GRIP1: variants seen among roughly 807,000 people sequenced by gnomAD.
GRIP1 encodes the protein glutamate receptor interacting protein 1.
A neutral mutation model predicts 129.9 loss-of-function variants in GRIP1; 45 were observed. The ratio of observed to expected loss-of-function variants is 0.35; its 90% CI spans 0.27 to 0.44. The LOEUF is 0.44. Among genes scored for constraint, GRIP1 ranks in the 20% least tolerant of loss-of-function variants. The pLI is 1.00. For missense variants in GRIP1, 1,196 were observed against 1,396.8 expected (o/e 0.86, Z 2.29); for synonymous variants, 530 against 520.8 (o/e 1.02, Z -0.24).
At chr12:66,877,050 A>AG (rs1490745489) in intron 1 of GRIP1, among the ~76,000 whole-genome samples, 1 of 152,048 alleles carries the variant, frequency 6.6e-6, no homozygotes, top group African/African-American at 2.4e-5. Flanking sequence ...TGTGTGTATG[A>AG]GTGAGCTTGC....
chr12:66,598,475 C>T (rs2064143389), intron 1 of GRIP1, among the ~76,000 whole-genome samples: 1 of 152,214 alleles, frequency 6.6e-6, no homozygotes, highest in Admixed American at 6.5e-5. Flanking sequence ...AGGTCTTCGA[C>T]TCTTCTCTTT....
intron 22 of GRIP1, among the ~76,000 whole-genome samples, chr12:66,373,178 C>T (rs749826887): frequency 1.3e-5 from 2 of 152,166 alleles, no homozygotes; most frequent in Non-Finnish European, 1.5e-5. Context: ...CAACCTCTGC[C>T]TTCTTTGTTC....
chr12:66,522,026 C>T (rs534093969), intron 5 of GRIP1, among the ~76,000 whole-genome samples: 8 of 152,222 alleles, frequency 5.3e-5, no homozygotes, highest in Non-Finnish European at 1.0e-4. Context: ...GCGGAGCCCA[C>T]CACAGCTCAA....
At chr12:67,055,580 A>T (rs1353164999) in intron 1 of GRIP1, among the ~76,000 whole-genome samples, 1 of 152,224 alleles carries the variant, frequency 6.6e-6, no homozygotes, top group African/African-American at 2.4e-5. Context: ...GAGGACTCCC[A>T]AAAGTTTTTG....
At chr12:66,829,994 A>C (rs945095869) in intron 1 of GRIP1, among the ~76,000 whole-genome samples, 7 of 152,220 alleles carry the variant, frequency 4.6e-5, no homozygotes, top group Non-Finnish European at 8.8e-5. Flanking sequence ...TCTATTTCCC[A>C]AGCCCATGAG....
chr12:66,436,165 G>T (rs1219779684), intron 13 of GRIP1, among the ~76,000 whole-genome samples: 2 of 151,964 alleles, frequency 1.3e-5, no homozygotes, highest in Admixed American at 1.3e-4. Flanking sequence ...AACACATTTG[G>T]GTAAACAAAG....
At chr12:66,941,977 A>T (rs1025107116) in intron 1 of GRIP1, among the ~76,000 whole-genome samples, 1 of 152,212 alleles carries the variant, frequency 6.6e-6, no homozygotes, top group African/African-American at 2.4e-5. Context: ...CACTACCCAT[A>T]GAGGAATCAA....
intron 1 of GRIP1, among the ~76,000 whole-genome samples, chr12:66,720,001 T>C (rs572065452): frequency 7.2e-5 from 11 of 152,302 alleles, no homozygotes; most frequent in Non-Finnish European, 1.6e-4. Flanking sequence ...TTTTGCCTAT[T>C]CTCACATACT....
chr12:66,536,386 C>G (rs944087446), intron 4 of GRIP1, among the ~76,000 whole-genome samples: 4 of 152,138 alleles, frequency 2.6e-5, no homozygotes, highest in Non-Finnish European at 5.9e-5. Flanking sequence ...ATACCCCACC[C>G]CCTTACATTT....
intron 1 of GRIP1, among the ~76,000 whole-genome samples, chr12:66,629,104 T>C (rs566547769): frequency 1.1e-4 from 17 of 152,230 alleles, no homozygotes; most frequent in Non-Finnish European, 2.4e-4. Flanking sequence ...CATGCAAAAT[T>C]TAATTCTCTG....
At chr12:66,367,709 G>A (rs1210354366) in intron 23 of GRIP1, among the ~76,000 whole-genome samples, 1 of 152,220 alleles carries the variant, frequency 6.6e-6, no homozygotes, top group East Asian at 1.9e-4. Flanking sequence ...TCACATATAT[G>A]AGTGGGGGTA....
chr12:66,522,590 CAG>C (rs1223557884), intron 5 of GRIP1, among the ~76,000 whole-genome samples: 5 of 152,172 alleles, frequency 3.3e-5, no homozygotes, highest in Non-Finnish European at 7.4e-5. Context: ...GGGGAAAAAA[CAG>C]AGCAGAAAAA....
chr12:66,696,416 T>G (rs779558784), intron 1 of GRIP1, among the ~76,000 whole-genome samples: 1 of 152,118 alleles, frequency 6.6e-6, no homozygotes, highest in Non-Finnish European at 1.5e-5. Flanking sequence ...TTATTCCTGA[T>G]AGTCATAAAG....
intron 1 of GRIP1, among the ~76,000 whole-genome samples, chr12:66,616,559 A>G (rs975332630): frequency 3.9e-5 from 6 of 152,246 alleles, no homozygotes; most frequent in Admixed American, 3.3e-4. Flanking sequence ...CACTCATGAC[A>G]GGCCTTATGT....
At chr12:66,592,116 G>A (rs181255842) in intron 2 of GRIP1, among the ~76,000 whole-genome samples, 3 of 152,198 alleles carry the variant, frequency 2.0e-5, no homozygotes, top group Admixed American at 6.5e-5. Context: ...GAAACATTTG[G>A]AACAGAGAGG....
At chr12:66,397,924 A>G (rs1199897824) in intron 16 of GRIP1, among the ~76,000 whole-genome samples, 3 of 152,242 alleles carry the variant, frequency 2.0e-5, no homozygotes, top group South Asian at 2.1e-4. Flanking sequence ...AGAAAGCCCT[A>G]TGTGGATGCC....
At chr12:66,770,699 T>C (rs577550530) in intron 1 of GRIP1, among the ~76,000 whole-genome samples, 7 of 152,302 alleles carry the variant, frequency 4.6e-5, no homozygotes, top group African/African-American at 1.4e-4. Flanking sequence ...TACTCTGTCA[T>C]AGAGATTTTC....
At chr12:66,852,473 T>C (rs1389659095) in intron 1 of GRIP1, among the ~76,000 whole-genome samples, 1 of 151,522 alleles carries the variant, frequency 6.6e-6, no homozygotes, top group East Asian at 1.9e-4. Flanking sequence ...AAAAAAATGA[T>C]TAGACACACT....
intron 5 of GRIP1, among the ~76,000 whole-genome samples, chr12:66,521,569 C>A (rs531368584): frequency 2.0e-5 from 3 of 152,186 alleles, no homozygotes; most frequent in Non-Finnish European, 2.9e-5. Flanking sequence ...CAGCTCCCAG[C>A]GTGAGTGACG....
Sources: gnomAD v4.1 joint callset for allele counts (sites outside exome capture counted in the v4.1 genomes callset) on GRCh38, gnomAD v4.1.1 for gene constraint, MANE v1.5 for transcripts, NCBI Gene and HGNC (gene_info 2026-07-23, HGNC 2026-07-21) for gene names.